The following MANEA variants were observed in gnomAD, a reference collection of about 807,000 sequenced individuals.
MANEA encodes mannosidase endo-alpha.
MANEA carries 25 observed loss-of-function variants against 36.8 expected under a neutral mutation model. The observed-to-expected ratio is 0.68, with a 90% CI of 0.50 to 0.95. The LOEUF is 0.95. MANEA is among the 40% of genes least tolerant of loss of function. The pLI is 0.00. For missense variants in MANEA, 565 were observed against 558.8 expected, an observed-to-expected ratio of 1.01 and a Z score of -0.11; for synonymous variants, 198 against 188.5, an observed-to-expected ratio of 1.05 and a Z score of -0.41.
At chr6:95,584,815 C>T (rs1769248862) in intron 1 of MANEA, among the ~76,000 whole-genome samples, 1 of 152,126 alleles carries the variant, frequency 6.6e-6, no homozygotes, top group Non-Finnish European at 1.5e-5. Flanking sequence ...AAATTCCTCT[C>T]TTTGTACTCT....
At chr6:95,583,251 G>A (rs939384434) in intron 1 of MANEA, among the ~76,000 whole-genome samples, 8 of 152,140 alleles carry the variant, frequency 5.3e-5, no homozygotes, top group African/African-American at 1.9e-4. Context: ...AGGATACCAG[G>A]TAAAGTGTCA....
At chr6:95,600,424 TG>T (rs1203202580) in intron 3 of MANEA, among the ~76,000 whole-genome samples, 1 of 152,228 alleles carries the variant, frequency 6.6e-6, no homozygotes, top group Non-Finnish European at 1.5e-5. Flanking sequence ...CCCCTTCATT[TG>T]TACAATGACA....
Position 95,586,721 on chromosome 6 carries a change from T to C in MANEA, c.282T>C (p.Asp94=). The C allele has an allele frequency of 6.2e-7, 1 of 1,613,988 alleles. No individual in the cohort carries two copies. The change falls in exon 2 of 5, where the codon GAT becomes GAC. Residue 94 remains aspartate (D), a synonymous_variant. Coordinates refer to ENST00000358812, the MANE Select transcript of MANEA (RefSeq NM_024641.4). ...CCAAAGCCTCTGAACTTAACTTGGA[T>C]GAACTACCACCTCTGAACAATTATC... ...KPSKASELNL[D]ELPPLNNYLH...
rs1480314914 is a variant in MANEA, at chr6:95,609,024, G to A, written c.*2619G>A. On this transcript the variant is annotated 3_prime_UTR_variant, in exon 5 of 5. Transcript: ENST00000358812. ...AATAATTCTGTTAATTCTTAGAGAG[G>A]AAAACTTTCAAAATCTTCCTCAGGT... The A allele has an allele frequency of 6.6e-6, 1 of 151,224 alleles. No individual in the cohort carries two copies. The highest frequency in any genetic ancestry group is 2.4e-5 in the African/African-American group (1 of 41,102). The allele number at this position is 151,224 out of a possible 1,614,324, so 9.4% of individuals were successfully genotyped here.
intron 2 of MANEA, among the ~76,000 whole-genome samples, chr6:95,593,589 G>C (rs1408232980): frequency 6.6e-6 from 1 of 152,164 alleles, no homozygotes. Context: ...TGTGGCTATT[G>C]AACACTTGAA....
In MANEA at chr6:95,595,420, G is replaced by A. The variant is rs182906487; in HGVS notation, c.545-1317G>A. ...TTATAGGTTATTTTTTCTATGTTTC[G>A]TTCTAGTTGCCATTCTTATTTTCAG... is the stretch of plus-strand genomic sequence containing the variant. On this transcript the variant is annotated intron_variant, in intron 2 of 4. Coordinates refer to ENST00000358812, the MANE Select transcript of MANEA (RefSeq NM_024641.4). Among the ~76,000 whole-genome samples, 3 of 151,910 alleles carry A rather than the reference G, an allele frequency of 2.0e-5. No homozygotes were observed. In the East Asian group the frequency reaches 5.8e-4, roughly 29 times the overall value.
chr6:95,580,617 C>T (rs373061646), intron 1 of MANEA, among the ~76,000 whole-genome samples: 20 of 149,910 alleles, frequency 1.3e-4, no homozygotes, highest in Non-Finnish European at 7.4e-5. Context: ...CCCAGCTACT[C>T]GGGAGGCTGA....
chr6:95,608,436 CT>C lies in MANEA; in HGVS notation c.*2034del, dbSNP rs936117629. 1 of 151,760 alleles carries C rather than the reference CT, an allele frequency of 6.6e-6. No homozygotes were observed. Among genetic ancestry groups the C allele is most frequent in the Non-Finnish European group, 1.5e-5 (1 of 67,752 alleles). 9.4% of individuals were successfully genotyped at this position (151,760 alleles called of 1,614,324 possible). On this transcript the variant is annotated 3_prime_UTR_variant, in exon 5 of 5. Transcript: ENST00000358812. ...CATATTCTCAACACAGATACCACCACTTTCTTTTTCCCATTATAGACATGGT... is the reference window on the plus strand; with the variant it reads ...CATATTCTCAACACAGATACCACCACTTCTTTTTCCCATTATAGACATGGT...
intron 2 of MANEA, chr6:95,587,236 CTT>C: frequency 2.4e-6 from 1 of 413,740 alleles, no homozygotes; most frequent in South Asian, 6.9e-5. Flanking sequence ...ATTTAATTCA[CTT>C]TCTCAATTTT....
intron 3 of MANEA, among the ~76,000 whole-genome samples, chr6:95,600,288 C>A (rs1582228718): frequency 6.6e-6 from 1 of 152,088 alleles, no homozygotes; most frequent in Admixed American, 6.6e-5. Context: ...AGAACAGTTT[C>A]TTGGCCTCGT....
intron 2 of MANEA, among the ~76,000 whole-genome samples, chr6:95,594,880 T>G (rs1231352308): frequency 4.6e-5 from 7 of 152,162 alleles, no homozygotes; most frequent in Admixed American, 4.6e-4. Context: ...CTCACTTATC[T>G]TTCTGGTTTC....
chr6:95,605,834 C>T lies in MANEA; in HGVS notation c.818C>T (p.Thr273Ile), dbSNP rs1769697539. The stretch of plus-strand genomic sequence containing the variant: ...TTTTATGTCTATGATTCCTATATTA[C>T]CAAGCCTGAAAAATGGGCCAATCTG... ...PMFYVYDSYI[T>I]KPEKWANLLT... The change falls in exon 5 of 5, where the codon ACC becomes ATC. Residue 273 changes from threonine to isoleucine, a missense_variant. Physicochemically the swap from Thr to Ile is moderately conservative, Grantham distance 89. Transcript: ENST00000358812. 1 of 1,613,782 alleles carries T rather than the reference C, an allele frequency of 6.2e-7. No homozygotes were observed. Among genetic ancestry groups the T allele is most frequent in the Non-Finnish European group, 8.5e-7 (1 of 1,179,784 alleles).
chr6:95,579,505 A>G (rs1336468860), intron 1 of MANEA, among the ~76,000 whole-genome samples: 1 of 152,192 alleles, frequency 6.6e-6, no homozygotes, highest in Non-Finnish European at 1.5e-5. Context: ...AAAGTTCCAG[A>G]TGTGTCTTCT....
rs117982267 is a variant in MANEA at position 95,606,378 on chromosome 6, A to G, written c.1362A>G (p.Ala454=). The G allele has an allele frequency of 2.8e-3, 4,463 of 1,598,032 alleles. 18 individuals are homozygous for G. Among genetic ancestry groups the G allele is most frequent in the Non-Finnish European group, 3.0e-3 (3,568 of 1,177,440 alleles). ...ACAGTAAGGAAAGAGCAACTTATGC[A>G]TTAGATCGCCAGCTGCCTGTTTCTT... ...EKYSKERATY[A]LDRQLPVS The change falls in exon 5 of 5, where the codon GCA becomes GCG. Residue 454 remains alanine (A), a synonymous_variant. Transcript: ENST00000358812.
intron 3 of MANEA, among the ~76,000 whole-genome samples, chr6:95,601,839 T>C (rs1769599877): frequency 6.6e-6 from 1 of 151,766 alleles, no homozygotes; most frequent in South Asian, 2.1e-4. Flanking sequence ...CATATTTTCT[T>C]TCTACTTTAT....
intron 3 of MANEA, among the ~76,000 whole-genome samples, chr6:95,601,245 C>T (rs985849066): frequency 1.3e-5 from 2 of 152,042 alleles, no homozygotes; most frequent in Non-Finnish European, 2.9e-5. Flanking sequence ...ATATCCTGCA[C>T]CATTAAGAAC....
At chr6:95,596,322 C>T (rs1440103015) in intron 2 of MANEA, among the ~76,000 whole-genome samples, 2 of 152,080 alleles carry the variant, frequency 1.3e-5, no homozygotes, top group Non-Finnish European at 2.9e-5. Flanking sequence ...CACAAAGTGT[C>T]AACCCTGATG....
rs144161049 is a variant in MANEA at position 95,606,237 on chromosome 6, A to G, written c.1221A>G (p.Glu407=). Residue 407 remains glutamate (E), a synonymous_variant, in exon 5 of 5, where the codon GAA becomes GAG. Coordinates refer to ENST00000358812, the MANE Select transcript of MANEA (RefSeq NM_024641.4). ...TCACCTCTTTTAATGAGTGGCATGAAGGAACTCAGATTGAAAAAGCTGTTC... is the reference window on the plus strand; with the variant it reads ...TCACCTCTTTTAATGAGTGGCATGAGGGAACTCAGATTGAAAAAGCTGTTC... The part of the protein sequence containing the change: ...ISITSFNEWH[E]GTQIEKAVPK... The G allele has an allele frequency of 1.2e-4, 188 of 1,613,952 alleles. No homozygotes were observed. In the East Asian group the frequency reaches 3.7e-3, roughly 32 times the overall value.
intron 1 of MANEA, among the ~76,000 whole-genome samples, chr6:95,580,030 A>T (rs1769149612): frequency 6.6e-6 from 1 of 152,170 alleles, no homozygotes; most frequent in Non-Finnish European, 1.5e-5. Context: ...CTTTCCTGCA[A>T]GATCAGACAT....
Sources: allele counts gnomAD v4.1 joint callset (sites outside exome capture counted in the v4.1 genomes callset), GRCh38; gene constraint gnomAD v4.1.1; transcripts MANE v1.5; gene names NCBI Gene and HGNC (gene_info 2026-07-23, HGNC 2026-07-21).